Variants in SGCG observed in about 807,000 individuals in gnomAD.
The protein encoded by SGCG is gamma-sarcoglycan.
A neutral mutation model predicts 29.3 loss-of-function variants in SGCG; 26 were observed. That is an observed-to-expected ratio of 0.89 (90% CI 0.65 to 1.23). The LOEUF (loss-of-function observed/expected upper bound fraction) is 1.23. Ranked by LOEUF, SGCG falls within the 50% of genes most tolerant of loss-of-function variation. The probability of loss-of-function intolerance (pLI) is 0.00; values close to 1 mark genes in which losing one functional copy is unlikely to be tolerated. For synonymous variants in SGCG, 145 were observed against 129.7 expected, an observed-to-expected ratio of 1.12 and a Z score of -0.80; for missense variants, 353 against 356.0, an observed-to-expected ratio of 0.99 and a Z score of 0.07.
chr13:23,275,257 G>T (rs1158313575), intron 4 of SGCG, among the ~76,000 whole-genome samples: 1 of 151,778 alleles, frequency 6.6e-6, no homozygotes, highest in Non-Finnish European at 1.5e-5. Flanking sequence ...GCTCATGCCT[G>T]TAATCCCAGC....
chr13:23,306,980 T>C (rs1285477207), intron 6 of SGCG, among the ~76,000 whole-genome samples: 1 of 152,228 alleles, frequency 6.6e-6, no homozygotes, highest in Non-Finnish European at 1.5e-5. Flanking sequence ...CAAATGTAAA[T>C]GTATAAGTTG....
chr13:23,287,915 C>G (rs1172977011), intron 5 of SGCG, among the ~76,000 whole-genome samples: 2 of 152,090 alleles, frequency 1.3e-5, no homozygotes, highest in Non-Finnish European at 2.9e-5. Context: ...TCACCACGCC[C>G]AGCTAATTTT....
intron 4 of SGCG, among the ~76,000 whole-genome samples, chr13:23,263,738 G>A (rs1880534703): frequency 6.6e-6 from 1 of 152,054 alleles, no homozygotes; most frequent in South Asian, 2.1e-4. Flanking sequence ...CATTCACCAT[G>A]AGCAAGTTGG....
chr13:23,311,582 T>G (rs1354078689), intron 6 of SGCG, among the ~76,000 whole-genome samples: 1 of 152,230 alleles, frequency 6.6e-6, no homozygotes, highest in Non-Finnish European at 1.5e-5. Flanking sequence ...GGCTTGGTGC[T>G]CGGCACGTTG....
At chr13:23,203,251 G>A (rs1365427250) in intron 1 of SGCG, among the ~76,000 whole-genome samples, 8 of 152,278 alleles carry the variant, frequency 5.3e-5, no homozygotes, top group South Asian at 2.1e-4. Context: ...GAGCCACTGC[G>A]CCTGGCTGCG....
intron 2 of SGCG, among the ~76,000 whole-genome samples, chr13:23,222,903 T>C (rs1411103461): frequency 1.3e-5 from 2 of 152,156 alleles, no homozygotes; most frequent in African/African-American, 4.8e-5. Context: ...ATCTCTTTTT[T>C]AAAAGGTATA....
At chr13:23,310,294 G>A (rs1026390837) in intron 6 of SGCG, among the ~76,000 whole-genome samples, 5 of 152,012 alleles carry the variant, frequency 3.3e-5, no homozygotes, top group African/African-American at 1.2e-4. Flanking sequence ...CACCCTATTA[G>A]CCAGGGTGGT....
At chr13:23,284,166 G>A (rs1412535719) in intron 5 of SGCG, among the ~76,000 whole-genome samples, 1 of 152,052 alleles carries the variant, frequency 6.6e-6, no homozygotes, top group Non-Finnish European at 1.5e-5. Context: ...TGCTAGTTTG[G>A]GGAAGTTCTC....
chr13:23,307,620 T>C (rs939755715), intron 6 of SGCG, among the ~76,000 whole-genome samples: 2 of 152,090 alleles, frequency 1.3e-5, no homozygotes, highest in African/African-American at 2.4e-5. Context: ...AAGGTTCTAA[T>C]GAAAGGTGAT....
chr13:23,275,120 A>AATATATATATATATAT lies in SGCG; in HGVS notation c.386-4231_386-4216dup, dbSNP rs55873099. Among the ~76,000 whole-genome samples, 511 of 129,858 alleles carry AATATATATATATATAT rather than the reference A, an allele frequency of 3.9e-3. 7 individuals carry two copies. The highest frequency in any genetic ancestry group is 0.017 in the East Asian group (72 of 4,254). 85.2% of individuals were successfully genotyped at this position (129,858 alleles called of 152,430 possible). ...GGTAGGATAGTGTTCTAATGGATGG[A>AATATATATATATATAT]ATATATATATATATATATATATAGA... is the stretch of plus-strand genomic sequence containing the variant. On this transcript the variant is annotated intron_variant, in intron 4 of 7. Coordinates refer to ENST00000218867, the MANE Select transcript of SGCG (RefSeq NM_000231.3).
At chr13:23,211,910 A>T (rs1402531804) in intron 2 of SGCG, among the ~76,000 whole-genome samples, 1 of 151,974 alleles carries the variant, frequency 6.6e-6, no homozygotes, top group Non-Finnish European at 1.5e-5. Flanking sequence ...TGTAATACCT[A>T]GTGTTGAGGT....
the SGCG span, among the ~76,000 whole-genome samples, chr13:23,167,741 T>C: frequency 1.3e-5 from 2 of 152,114 alleles, no homozygotes; most frequent in African/African-American, 4.8e-5. Context: ...CTTTTTTTTT[T>C]TTCTTTTTGA....
At chr13:23,281,169 T>C (rs1193979858) in intron 5 of SGCG, among the ~76,000 whole-genome samples, 1 of 151,798 alleles carries the variant, frequency 6.6e-6, no homozygotes, top group East Asian at 1.9e-4. Flanking sequence ...ACCCCATCTC[T>C]ACAAAAGAAA....
At chr13:23,320,782 C>T (rs1316460081) in intron 7 of SGCG, 22 bp downstream of exon 7, 1 of 1,608,456 alleles carries the variant, frequency 6.2e-7, no homozygotes, top group Admixed American at 1.7e-5. Flanking sequence ...CACAGATCAG[C>T]CTCCTACTGT....
intron 3 of SGCG, chr13:23,246,390 C>T (rs185670322): frequency 3.3e-5 from 5 of 152,390 alleles, no homozygotes; most frequent in Non-Finnish European, 5.9e-5. Flanking sequence ...TTGATACCCA[C>T]TGTCACTTGG....
chr13:23,281,503 T>C (rs1002509848), intron 5 of SGCG, among the ~76,000 whole-genome samples: 2 of 152,120 alleles, frequency 1.3e-5, no homozygotes, highest in Admixed American at 1.3e-4. Context: ...GACCACACTT[T>C]GAGAACCACT....
At chr13:23,258,343 CTGTT>C (rs750393365) in intron 4 of SGCG, among the ~76,000 whole-genome samples, 44 of 152,200 alleles carry the variant, frequency 2.9e-4, no homozygotes, top group East Asian at 5.8e-4. Context: ...ATTTGGCTCT[CTGTT>C]TGTGTGTTAT....
chr13:23,233,235 T>TA (rs764667082), intron 2 of SGCG, among the ~76,000 whole-genome samples: 3 of 152,012 alleles, frequency 2.0e-5, no homozygotes, highest in African/African-American at 4.8e-5. Flanking sequence ...TATTCAGCCT[T>TA]AAAAAAACAG....
At chr13:23,204,045 C>T (rs1367572787) in intron 2 of SGCG, among the ~76,000 whole-genome samples, 156 bp downstream of exon 2, 1 of 151,108 alleles carries the variant, frequency 6.6e-6, no homozygotes, top group Non-Finnish European at 1.5e-5. Context: ...GTAGCATTTA[C>T]GTTTTTCCCT....
Sources: gnomAD v4.1 joint callset for allele counts (sites outside exome capture counted in the v4.1 genomes callset) on GRCh38, gnomAD v4.1.1 for gene constraint, MANE v1.5 for transcripts, NCBI Gene and HGNC (gene_info 2026-07-23, HGNC 2026-07-21) for gene names.